The following KCNIP4 variants were observed in gnomAD, a reference collection of about 807,000 sequenced individuals.
KCNIP4 encodes potassium voltage-gated channel interacting protein 4, also known as Kv channel-interacting protein 4.
In KCNIP4, 12 loss-of-function variants were observed where a neutral mutation model predicts 34.0. The ratio of observed to expected loss-of-function variants is 0.35; its 90% CI spans 0.23 to 0.57. The LOEUF (loss-of-function observed/expected upper bound fraction) is 0.57, where lower values mean the gene tolerates loss of function less well. Among genes scored for constraint, KCNIP4 ranks in the 20% least tolerant of loss-of-function variants. The pLI, the probability that KCNIP4 is intolerant of heterozygous loss-of-function variation, is 0.83. For missense variants in KCNIP4, 238 were observed against 311.7 expected (o/e 0.76, Z 1.78); for synonymous variants, 124 against 102.2 (o/e 1.21, Z -1.29).
At chr4:21,707,165 T>A (rs114147137) in intron 1 of KCNIP4, among the ~76,000 whole-genome samples, 1 of 152,150 alleles carries the variant, frequency 6.6e-6, no homozygotes. Flanking sequence ...TTAGGTAATG[T>A]CTAAATGATG....
chr4:21,408,238 T>C (rs527854997), intron 1 of KCNIP4, among the ~76,000 whole-genome samples: 2 of 152,328 alleles, frequency 1.3e-5, no homozygotes, highest in East Asian at 3.9e-4. Flanking sequence ...TATAGAAATA[T>C]TGACATTCAG....
intron 1 of KCNIP4, among the ~76,000 whole-genome samples, chr4:20,912,417 A>C (rs1348534658): frequency 6.6e-6 from 1 of 152,162 alleles, no homozygotes; most frequent in Non-Finnish European, 1.5e-5. Flanking sequence ...AATGAAACCT[A>C]AAGAAATTCA....
chr4:21,800,723 A>G (rs1034985940), intron 1 of KCNIP4, among the ~76,000 whole-genome samples: 1 of 152,186 alleles, frequency 6.6e-6, no homozygotes, highest in Admixed American at 6.5e-5. Flanking sequence ...ATTGAAGGAA[A>G]ATCCAATACT....
chr4:21,335,437 T>C, intron 1 of KCNIP4, among the ~76,000 whole-genome samples: 1 of 152,102 alleles, frequency 6.6e-6, no homozygotes, highest in East Asian at 1.9e-4. Flanking sequence ...AAAAATATGA[T>C]ACCGAAAGCA....
chr4:20,848,909 T>C (rs79307588), intron 3 of KCNIP4, among the ~76,000 whole-genome samples: 17,062 of 152,258 alleles, frequency 0.11, 1,311 homozygotes, highest in Non-Finnish European at 0.17. Flanking sequence ...TCACCTCCTC[T>C]GAGCACTGAC....
intron 5 of KCNIP4, among the ~76,000 whole-genome samples, chr4:20,736,612 G>A (rs141934205): frequency 1.3e-4 from 20 of 151,760 alleles, no homozygotes; most frequent in African/African-American, 4.4e-4. Flanking sequence ...AATATATATA[G>A]AACAGTGTTA....
chr4:20,823,359 T>A (rs1402195148), intron 3 of KCNIP4, among the ~76,000 whole-genome samples: 1 of 152,112 alleles, frequency 6.6e-6, no homozygotes, highest in Non-Finnish European at 1.5e-5. Flanking sequence ...CATTGAAGAA[T>A]GTAAGTAGAG....
At chr4:21,712,279 C>A (rs915447458) in intron 1 of KCNIP4, among the ~76,000 whole-genome samples, 7 of 152,140 alleles carry the variant, frequency 4.6e-5, no homozygotes, top group Admixed American at 1.3e-4. Context: ...AGGGAATTTA[C>A]CAAGATAGAG....
At chr4:21,038,179 C>T (rs555044875) in intron 1 of KCNIP4, among the ~76,000 whole-genome samples, 14 of 152,104 alleles carry the variant, frequency 9.2e-5, no homozygotes, top group South Asian at 8.3e-4. Context: ...GTTTTCACCA[C>T]GTTGGCCAGA....
intron 1 of KCNIP4, among the ~76,000 whole-genome samples, chr4:21,839,098 C>A (rs905254336): frequency 2.0e-5 from 3 of 151,962 alleles, no homozygotes; most frequent in Admixed American, 1.3e-4. Context: ...ACAAAATGCT[C>A]CATTTCATTG....
In KCNIP4 at chr4:21,783,958, G is replaced by T. The variant is rs370880901; in HGVS notation, c.61+164613C>A. Reference sequence around the variant, plus strand: ...CTTTGTAGAAATATATATTTAATCAGATACATATATGTATTACTCTGTTTT... The same window carrying T: ...CTTTGTAGAAATATATATTTAATCATATACATATATGTATTACTCTGTTTT... On this transcript the variant is annotated intron_variant, in intron 1 of 8. Coordinates refer to ENST00000382152, the MANE Select transcript of KCNIP4 (RefSeq NM_025221.6). Among the ~76,000 whole-genome samples, 19 of 152,182 alleles carry T rather than the reference G, an allele frequency of 1.2e-4. No individual in the cohort carries two copies. The East Asian group carries it at 3.3e-3, about 26-fold the overall frequency.
chr4:21,739,578 T>A (rs1716259936), intron 1 of KCNIP4, among the ~76,000 whole-genome samples: 1 of 151,964 alleles, frequency 6.6e-6, no homozygotes, highest in African/African-American at 2.4e-5. Flanking sequence ...TACATGACAG[T>A]TTCTAATTCT....
intron 2 of KCNIP4, among the ~76,000 whole-genome samples, chr4:20,870,438 T>C (rs1274528098): frequency 1.3e-5 from 2 of 152,130 alleles, no homozygotes; most frequent in Non-Finnish European, 2.9e-5. Context: ...TGTGCAACTG[T>C]GAGTTAATCA....
In KCNIP4 at chr4:20,732,763, G is replaced by C. The variant is rs780377690; in HGVS notation, c.560C>G (p.Ala187Gly). Residue 187 changes from alanine to glycine, a missense_variant, in exon 7 of 9, where the codon GCA becomes GGA. Physicochemically the swap from Ala to Gly is moderately conservative, Grantham distance 60. Transcript: ENST00000382152. Reference protein sequence around the residue: ...TKEEMLDIMKAIYDMMGKCTY... With the variant: ...TKEEMLDIMKGIYDMMGKCTY... The stretch of plus-strand genomic sequence containing the variant: ...ACATTTACCCATCATATCGTATATT[G>C]CTTTCATTATATCAAGCATTTCCTG... The C allele has an allele frequency of 2.5e-6, 4 of 1,608,670 alleles. No homozygotes were observed. Among genetic ancestry groups the C allele is most frequent in the East Asian group, 4.5e-5 (2 of 44,802 alleles).
chr4:21,105,002 G>A (rs1424079829), intron 1 of KCNIP4, among the ~76,000 whole-genome samples: 1 of 151,732 alleles, frequency 6.6e-6, no homozygotes, highest in Non-Finnish European at 1.5e-5. Flanking sequence ...CTGTAGCCTT[G>A]TAGTATAGTC....
intron 1 of KCNIP4, among the ~76,000 whole-genome samples, chr4:21,031,102 T>A (rs570212112): frequency 6.6e-6 from 1 of 152,312 alleles, no homozygotes; most frequent in South Asian, 2.1e-4. Flanking sequence ...AAGAGGGTCC[T>A]CAAAAGACTA....
chr4:20,860,777 T>C (rs1722111859), intron 2 of KCNIP4, among the ~76,000 whole-genome samples: 1 of 152,162 alleles, frequency 6.6e-6, no homozygotes. Context: ...AGATTTCCAA[T>C]GCTGAAAGAT....
chr4:21,205,537 A>G (rs955666398), intron 1 of KCNIP4, among the ~76,000 whole-genome samples: 2 of 152,236 alleles, frequency 1.3e-5, no homozygotes, highest in Non-Finnish European at 2.9e-5. Flanking sequence ...GAAAGGCTGA[A>G]TAACTTCTAC....
chr4:21,186,331 T>C (rs988391090), intron 1 of KCNIP4, among the ~76,000 whole-genome samples: 1 of 152,196 alleles, frequency 6.6e-6, no homozygotes, highest in Non-Finnish European at 1.5e-5. Context: ...CTACAAATAC[T>C]GTCAGCTAAG....
Sources: gnomAD v4.1 joint callset for allele counts (sites outside exome capture counted in the v4.1 genomes callset) on GRCh38, gnomAD v4.1.1 for gene constraint, MANE v1.5 for transcripts, NCBI Gene and HGNC (gene_info 2026-07-23, HGNC 2026-07-21) for gene names.